The following RAB43 variants were observed in gnomAD, a reference collection of about 807,000 sequenced individuals.
RAB43 encodes the protein RAB43, member RAS oncogene family.
A neutral mutation model predicts 18.8 loss-of-function variants in RAB43; 6 were observed. The ratio of observed to expected loss-of-function variants is 0.32; its 90% CI spans 0.17 to 0.63. The LOEUF is 0.63. Ranked by LOEUF, RAB43 falls within the 30% of genes least tolerant of loss-of-function variation. RAB43 has a pLI of 0.79. For synonymous variants in RAB43, 103 were observed against 124.1 expected (o/e 0.83, Z 1.13); for missense variants, 195 against 289.1 (o/e 0.67, Z 2.36).
chr3:129,098,392 GA>G (rs774212484), intron 1 of RAB43, among the ~76,000 whole-genome samples: 50 of 152,300 alleles, frequency 3.3e-4, no homozygotes, highest in Admixed American at 7.8e-4. Flanking sequence ...ACTTCAAGGT[GA>G]TCAGCCAGTA....
At chr3:129,098,300 C>T (rs543149453) in intron 1 of RAB43, among the ~76,000 whole-genome samples, 1 of 152,294 alleles carries the variant, frequency 6.6e-6, no homozygotes, top group East Asian at 1.9e-4. Flanking sequence ...TTGAGTTCTG[C>T]CACATTAGCG....
At chr3:129,102,283 G>T (rs1559998348) in intron 1 of RAB43, among the ~76,000 whole-genome samples, 1 of 152,120 alleles carries the variant, frequency 6.6e-6, no homozygotes, top group Non-Finnish European at 1.5e-5. Flanking sequence ...CTTCTCTCTG[G>T]CTCTGTTTTC....
chr3:129,104,101 A>C (rs908494403), intron 1 of RAB43, among the ~76,000 whole-genome samples: 3 of 152,218 alleles, frequency 2.0e-5, no homozygotes, highest in Admixed American at 2.0e-4. Context: ...CAGAAACATA[A>C]TCTGGAGGAG....
intron 1 of RAB43, among the ~76,000 whole-genome samples, chr3:129,113,671 G>A (rs949658880): frequency 6.6e-6 from 1 of 152,148 alleles, no homozygotes. Context: ...GATTTTAATG[G>A]TATCTGGATA....
At chr3:129,111,902 A>AT (rs1247615241) in intron 1 of RAB43, among the ~76,000 whole-genome samples, 2 of 152,092 alleles carry the variant, frequency 1.3e-5, no homozygotes, top group South Asian at 2.1e-4. Flanking sequence ...ACTAAGATCC[A>AT]TTTTTTTGGT....
At chr3:129,100,260 G>A (rs1323819283) in intron 1 of RAB43, among the ~76,000 whole-genome samples, 2 of 152,208 alleles carry the variant, frequency 1.3e-5, no homozygotes, top group Non-Finnish European at 2.9e-5. Context: ...TCTCAATGCT[G>A]AAGTACTTGT....
intron 1 of RAB43, among the ~76,000 whole-genome samples, chr3:129,104,297 G>A (rs1011943464): frequency 2.0e-5 from 3 of 152,262 alleles, no homozygotes; most frequent in Admixed American, 2.0e-4. Flanking sequence ...CTCTCCTCCT[G>A]CACACTCACC....
chr3:129,111,944 C>A (rs1043306198), intron 1 of RAB43, among the ~76,000 whole-genome samples: 6 of 152,094 alleles, frequency 3.9e-5, no homozygotes, highest in Non-Finnish European at 5.9e-5. Flanking sequence ...TGGACCTACA[C>A]ACAGTTAAAA....
chr3:129,112,258 T>C (rs1440193928), intron 1 of RAB43, among the ~76,000 whole-genome samples: 1 of 148,692 alleles, frequency 6.7e-6, no homozygotes, highest in Non-Finnish European at 1.5e-5. Flanking sequence ...CTTGAGACCC[T>C]GTTTAAAAAA....
Position 129,107,914 on chromosome 3 carries a change from GCA to G in RAB43, c.205-12747_205-12746del, listed in dbSNP as rs1455730108. Among the ~76,000 whole-genome samples, 2 of 152,132 alleles carry G rather than the reference GCA, an allele frequency of 1.3e-5. No individual in the cohort carries two copies. The highest frequency in any genetic ancestry group is 2.9e-5 in the Non-Finnish European group (2 of 68,018). ...TCGGTCACCTCTTCAACTCTCTAGA[GCA>G]AACCCTCCTCCCCGGGCTCCCAGGC... On this transcript the variant is annotated intron_variant, in intron 1 of 2. Transcript: ENST00000315150. This position sits in a 1 kb window ranked among gnomAD's most constrained non-coding sequence, Gnocchi z 4.2.
In RAB43 at chr3:129,121,312, G is replaced by C; in HGVS notation, c.178C>G (p.Leu60Val). ...TTGACCCGCTTGCCCTGGATCTCCA[G>C]CGTCTTCATGGTGAAGTCGACGCCG... Reference protein sequence around the residue: ...TIGVDFTMKTLEIQGKRVKLQ... With the variant: ...TIGVDFTMKTVEIQGKRVKLQ... The change falls in exon 1 of 3, where the codon CTG becomes GTG. Residue 60 changes from leucine (L) to valine (V), a missense_variant. Coordinates refer to ENST00000315150, the MANE Select transcript of RAB43 (RefSeq NM_198490.3). The C allele has an allele frequency of 6.2e-7, 1 of 1,608,788 alleles. No homozygotes were observed. The highest frequency in any genetic ancestry group is 8.5e-7 in the Non-Finnish European group (1 of 1,177,868).
At position 129,121,629 on chromosome 3, in the gene RAB43, C is replaced by G. The variant is rs985127996; in HGVS notation, c.-140G>C. 12 of 606,306 alleles carry G rather than the reference C, an allele frequency of 2.0e-5. No homozygotes were observed. The African/African-American group carries it at 2.4e-4, about 12-fold the overall frequency. 37.6% of individuals were successfully genotyped at this position (606,306 alleles called of 1,614,324 possible). On this transcript the variant is annotated 5_prime_UTR_variant, in exon 1 of 3. Coordinates refer to ENST00000315150, the MANE Select transcript of RAB43 (RefSeq NM_198490.3). Reference sequence around the variant, plus strand: ...GCCGCCGCAACACCTGAACCCCCAGCACTGCCGACCGCCTGCCTCGGCCTC... The same window carrying G: ...GCCGCCGCAACACCTGAACCCCCAGGACTGCCGACCGCCTGCCTCGGCCTC...
At chr3:129,101,536 A>G (rs1032268336) in intron 1 of RAB43, among the ~76,000 whole-genome samples, 2 of 152,214 alleles carry the variant, frequency 1.3e-5, no homozygotes, top group South Asian at 2.1e-4. Context: ...GGTGGATGCC[A>G]GCCTATTTGA....
intron 1 of RAB43, among the ~76,000 whole-genome samples, chr3:129,109,717 A>T (rs1935026657): frequency 6.6e-6 from 1 of 151,140 alleles, no homozygotes; most frequent in African/African-American, 2.4e-5. Flanking sequence ...ACTCCAGCCC[A>T]GGCGACAGTG....
chr3:129,105,861 G>A (rs1934750949), intron 1 of RAB43, among the ~76,000 whole-genome samples: 1 of 151,954 alleles, frequency 6.6e-6, no homozygotes, highest in Non-Finnish European at 1.5e-5. Flanking sequence ...GCTACCACTT[G>A]GCTCCTGGTT....
At chr3:129,100,491 C>T (rs537510715) in intron 1 of RAB43, among the ~76,000 whole-genome samples, 1 of 152,300 alleles carries the variant, frequency 6.6e-6, no homozygotes, top group Non-Finnish European at 1.5e-5. Flanking sequence ...CTTCTGCTAC[C>T]AATCCTTGTA....
rs545421788 is a variant in RAB43, at chr3:129,121,499, G to A, written c.-10C>T. ...GGCCCGGCCCTGCCATGGCCTAGAA[G>A]AAGCCGAAGGGCCGGCGCTCTGGAC... On this transcript the variant is annotated 5_prime_UTR_variant, in exon 1 of 3. Transcript: ENST00000315150. The A allele has an allele frequency of 2.5e-6, 4 of 1,599,954 alleles. No individual in the cohort carries two copies. The African/African-American group carries it at 5.4e-5, about 21-fold the overall frequency.
At position 129,106,641 on chromosome 3, in the gene RAB43, C is replaced by T. The variant is rs112446675; in HGVS notation, c.205-11472G>A. Among the ~76,000 whole-genome samples, 518 of 152,314 alleles carry T rather than the reference C, an allele frequency of 3.4e-3. 1 individual carries two copies. Among genetic ancestry groups the T allele is most frequent in the African/African-American group, 0.012 (488 of 41,576 alleles). ...CAAGGACAAGAAAGGTAAGACCAGG[C>T]TGGACCAGCGACACAGGCTGGCGGC... On this transcript the variant is annotated intron_variant, in intron 1 of 2. Transcript: ENST00000315150.
At chr3:129,115,252 C>A (rs1050715053) in intron 1 of RAB43, among the ~76,000 whole-genome samples, 1 of 151,948 alleles carries the variant, frequency 6.6e-6, no homozygotes, top group African/African-American at 2.4e-5. Context: ...CTTTGGGAGG[C>A]CGAGGTGGGT....
Sources: gnomAD v4.1 joint callset for allele counts (sites outside exome capture counted in the v4.1 genomes callset) on GRCh38, gnomAD v4.1.1 for gene constraint, Gnocchi (gnomAD v3.1) non-coding constraint, MANE v1.5 for transcripts, NCBI Gene and HGNC (gene_info 2026-07-23, HGNC 2026-07-21) for gene names.